IL5: variants seen among roughly 807,000 people sequenced by gnomAD.
The protein encoded by IL5 is interleukin-5.
IL5 carries 12 observed loss-of-function variants against 16.3 expected under a neutral mutation model. That is an observed-to-expected ratio of 0.74 (90% CI 0.47 to 1.20). The LOEUF (loss-of-function observed/expected upper bound fraction) is 1.20, where lower values mean the gene tolerates loss of function less well. Ranked by LOEUF, IL5 falls within the 50% of genes most tolerant of loss-of-function variation. The pLI, the probability that IL5 is intolerant of heterozygous loss-of-function variation, is 0.00. For synonymous variants in IL5, 54 were observed against 56.6 expected (o/e 0.95, Z 0.21); for missense variants, 159 against 153.9 (o/e 1.03, Z -0.17).
chr5:132,553,201 C>T (rs1308584882), intron 1 of IL5, among the ~76,000 whole-genome samples: 1 of 152,122 alleles, frequency 6.6e-6, no homozygotes, highest in Non-Finnish European at 1.5e-5. Flanking sequence ...TGATAATGAT[C>T]TCCTGAGAGC....
intron 1 of IL5, among the ~76,000 whole-genome samples, chr5:132,550,823 A>G (rs1414298006): frequency 6.6e-6 from 1 of 152,224 alleles, no homozygotes; most frequent in African/African-American, 2.4e-5. Context: ...AGTGGGAATC[A>G]AAGAGTTTGA....
chr5:132,556,683 T>C (rs972731052), exon 1 of IL5: 1 of 1,264,740 alleles, frequency 7.9e-7, no homozygotes, highest in South Asian at 1.4e-5. Context: ...CCCCGCTTCC[T>C]GGGTCTCCAA....
chr5:132,556,255 A>G (rs1046589382), intron 1 of IL5: 4 of 152,156 alleles, frequency 2.6e-5, no homozygotes, highest in Admixed American at 2.0e-4. Context: ...ATATCCCTCC[A>G]TTAAGTTTGT....
chr5:132,543,251 A>G, intron 1 of IL5, 84 bp downstream of exon 1: 2 of 1,415,534 alleles, frequency 1.4e-6, no homozygotes, highest in Non-Finnish European at 2.0e-6. Flanking sequence ...ATTATTTATA[A>G]CAGATCTCTA....
chr5:132,541,858 G>A lies in IL5; in HGVS notation c.358C>T (p.Gln120Ter). ...RRVNQFLDYL[Q>*]EFLGVMNTEW... Reference sequence around the variant, plus strand: ...GTGTTCATTACACCAAGAAACTCTTGCAGGTAGTCTAGGAATTGGTTTACT... The same window carrying A: ...GTGTTCATTACACCAAGAAACTCTTACAGGTAGTCTAGGAATTGGTTTACT... The change falls in exon 4 of 4, where the codon CAA becomes TAA. Residue 120 changes from glutamine (Q) to a stop codon, truncating the protein, a stop_gained. Transcript: ENST00000231454. LOFTEE classifies it high-confidence loss of function. The A allele has an allele frequency of 6.2e-7, 1 of 1,613,762 alleles. No homozygotes were observed. The highest frequency in any genetic ancestry group is 1.7e-5 in the Admixed American group (1 of 59,986).
intron 1 of IL5, among the ~76,000 whole-genome samples, chr5:132,552,154 A>C (rs1275359082): frequency 3.9e-5 from 6 of 152,108 alleles, no homozygotes; most frequent in Non-Finnish European, 8.8e-5. Context: ...CTGTAGTCCC[A>C]GCTACTCAGG....
upstream of IL5, among the ~76,000 whole-genome samples, chr5:132,546,993 G>A (rs930835472): frequency 2.0e-5 from 3 of 152,042 alleles, no homozygotes; most frequent in African/African-American, 7.3e-5. Flanking sequence ...GCCACTGCAC[G>A]CCAGCCTGGG....
At chr5:132,543,810 A>G (rs547020681), upstream of IL5, 21 of 199,072 alleles carry the variant, frequency 1.1e-4, no homozygotes, top group South Asian at 2.4e-3. Flanking sequence ...AGATGTGTGC[A>G]AAACAAAGTA....
upstream of IL5, among the ~76,000 whole-genome samples, chr5:132,544,822 G>T (rs1433755740): frequency 6.6e-6 from 1 of 152,180 alleles, no homozygotes; most frequent in Non-Finnish European, 1.5e-5. Flanking sequence ...ACAAACTGTT[G>T]CCCAGAACAG....
Position 132,543,380 on chromosome 5 carries a change from G to A in IL5, c.99C>T (p.Thr33=). 4 of 1,614,188 alleles carry A rather than the reference G, an allele frequency of 2.5e-6. No homozygotes were observed. Among genetic ancestry groups the A allele is most frequent in the Non-Finnish European group, 3.4e-6 (4 of 1,180,030 alleles). The change falls in exon 1 of 4, where the codon ACC becomes ACT. Residue 33 remains threonine, a synonymous_variant. Coordinates refer to ENST00000231454, the MANE Select transcript of IL5 (RefSeq NM_000879.3). ...EIPTSALVKE[T]LALLSTHRTL... ...TTCGATGAGTAGAAAGCAGTGCCAA[G>A]GTCTCTTTCACCAATGCACTTGTGG...
intron 1 of IL5, among the ~76,000 whole-genome samples, chr5:132,555,153 C>T (rs1333604288): frequency 6.6e-6 from 1 of 152,212 alleles, no homozygotes; most frequent in African/African-American, 2.4e-5. Flanking sequence ...AATGTTCACT[C>T]ACCTGCTGCT....
At chr5:132,546,314 G>A (rs978464345), upstream of IL5, among the ~76,000 whole-genome samples, 2 of 151,422 alleles carry the variant, frequency 1.3e-5, no homozygotes, top group Non-Finnish European at 2.9e-5. Flanking sequence ...CCCAACCCCC[G>A]CCCCCATTCT....
At chr5:132,555,559 A>G (rs917607281) in intron 1 of IL5, among the ~76,000 whole-genome samples, 1 of 152,248 alleles carries the variant, frequency 6.6e-6, no homozygotes, top group Non-Finnish European at 1.5e-5. Flanking sequence ...TCTGTTGCCC[A>G]GGCTGGAGTG....
intron 1 of IL5, 49 bp downstream of exon 1, chr5:132,543,286 A>G: frequency 6.5e-7 from 1 of 1,541,656 alleles, no homozygotes; most frequent in South Asian, 1.1e-5. Context: ...ACCATCACAA[A>G]TGATTACCTA....
At chr5:132,549,343 C>T (rs993357713) in intron 1 of IL5, among the ~76,000 whole-genome samples, 6 of 152,154 alleles carry the variant, frequency 3.9e-5, no homozygotes, top group African/African-American at 1.4e-4. Flanking sequence ...CATGAGCCAC[C>T]GTGCCCGGCC....
intron 1 of IL5, 23 bp from the exon 2 acceptor site, chr5:132,543,149 T>C (rs1304403531): frequency 1.2e-6 from 2 of 1,600,840 alleles, no homozygotes; most frequent in Non-Finnish European, 1.7e-6. Context: ...GGAAATACAA[T>C]CATTTTTACA....
At chr5:132,556,650 A>G (rs1338232263) in intron 1 of IL5, 2 of 1,211,040 alleles carry the variant, frequency 1.7e-6, no homozygotes, top group African/African-American at 1.6e-5. Flanking sequence ...AATGAAAAGG[A>G]AAATAGTTTT....
upstream of IL5, chr5:132,543,947 T>A (rs922591954): frequency 2.6e-5 from 4 of 152,832 alleles, no homozygotes; most frequent in African/African-American, 9.6e-5. Context: ...TTGAAAATAC[T>A]GGTGGGAAGA....
chr5:132,556,566 C>T (rs1749988521), intron 1 of IL5: 3 of 553,870 alleles, frequency 5.4e-6, no homozygotes, highest in South Asian at 3.6e-5. Flanking sequence ...TTCCATTAAC[C>T]GCCACTGCAA....
Sources: gnomAD v4.1 joint callset for allele counts (sites outside exome capture counted in the v4.1 genomes callset) on GRCh38, gnomAD v4.1.1 for gene constraint, MANE v1.5 for transcripts, NCBI Gene and HGNC (gene_info 2026-07-23, HGNC 2026-07-21) for gene names.